The following MGST1 variants were observed in gnomAD, a reference collection of about 807,000 sequenced individuals.
The protein encoded by MGST1 is glutathione S-transferase 12.
MGST1 carries 5 observed loss-of-function variants against 8.9 expected under a neutral mutation model. That is an observed-to-expected ratio of 0.56 (90% CI 0.29 to 1.19). The LOEUF (loss-of-function observed/expected upper bound fraction) is 1.19, where lower values mean the gene tolerates loss of function less well. Among genes scored for constraint, MGST1 ranks in the 50% most tolerant of loss-of-function variants. The probability of loss-of-function intolerance (pLI) is 0.08; values close to 1 mark genes in which losing one functional copy is unlikely to be tolerated. For synonymous variants in MGST1, 54 were observed against 67.8 expected, an observed-to-expected ratio of 0.80 and a Z score of 1.00; for missense variants, 182 against 187.4, an observed-to-expected ratio of 0.97 and a Z score of 0.17.
At chr12:16,512,240 T>G (rs1591748624) in intron 4 of MGST1, among the ~76,000 whole-genome samples, 2 of 151,696 alleles carry the variant, frequency 1.3e-5, no homozygotes, top group South Asian at 4.2e-4. Flanking sequence ...GTATGGATGG[T>G]GGGGAAGATT....
At chr12:16,433,622 G>A (rs953634164) in intron 1 of MGST1, among the ~76,000 whole-genome samples, 4 of 152,078 alleles carry the variant, frequency 2.6e-5, no homozygotes, top group Non-Finnish European at 5.9e-5. Context: ...AGGCCAATCT[G>A]CTTTACTCAG....
downstream of MGST1, among the ~76,000 whole-genome samples, chr12:16,382,011 C>A (rs2137041152): frequency 6.6e-6 from 1 of 152,260 alleles, no homozygotes; most frequent in South Asian, 2.1e-4. Context: ...TACTTCTCTG[C>A]ATTGGTTATT....
intron 4 of MGST1, among the ~76,000 whole-genome samples, chr12:16,453,326 T>C (rs1461609665): frequency 6.6e-6 from 1 of 151,960 alleles, no homozygotes; most frequent in Non-Finnish European, 1.5e-5. Flanking sequence ...TAACATTTAT[T>C]CTCGATTCGA....
intron 4 of MGST1, among the ~76,000 whole-genome samples, chr12:16,488,518 C>A (rs1239885070): frequency 6.6e-6 from 1 of 152,180 alleles, no homozygotes; most frequent in Admixed American, 6.5e-5. Flanking sequence ...TTTCAAATGT[C>A]AGATCAAAAT....
At chr12:16,456,908 C>T (rs1591734347) in intron 4 of MGST1, among the ~76,000 whole-genome samples, 1 of 152,022 alleles carries the variant, frequency 6.6e-6, no homozygotes, top group South Asian at 2.1e-4. Flanking sequence ...TGAATGTTCA[C>T]CCTCTAACCT....
At chr12:16,564,179 A>G (rs1565486853) in intron 4 of MGST1, among the ~76,000 whole-genome samples, 1 of 152,218 alleles carries the variant, frequency 6.6e-6, no homozygotes, top group East Asian at 1.9e-4. Flanking sequence ...ATAAAAATCA[A>G]ACAGACAACT....
At position 16,517,583 on chromosome 12, in the gene MGST1, G is replaced by A. The variant is rs1168216440; in HGVS notation, n.483-71945G>A. ...ACAGCAGCACAAAACAGAGACAGCAGGTATCAGTAATATTTTGTTATAGTA... is the reference window on the plus strand; with the variant it reads ...ACAGCAGCACAAAACAGAGACAGCAAGTATCAGTAATATTTTGTTATAGTA... On this transcript the variant is annotated intron_variant and non_coding_transcript_variant, in intron 4 of 4. Transcript: ENST00000538857. This position sits in a 1 kb window ranked among gnomAD's most constrained non-coding sequence, Gnocchi z 4.2. Among the ~76,000 whole-genome samples the A allele has an allele frequency of 3.9e-5, 6 of 152,138 alleles. No homozygotes were observed. The highest frequency in any genetic ancestry group is 8.8e-5 in the Non-Finnish European group (6 of 68,020).
At chr12:16,435,876 T>C (rs1940980759) in intron 1 of MGST1, among the ~76,000 whole-genome samples, 1 of 151,940 alleles carries the variant, frequency 6.6e-6, no homozygotes. Context: ...CTAGGGGTAT[T>C]TCAGGGTAGC....
At chr12:16,477,655 G>T (rs1438740248) in intron 4 of MGST1, among the ~76,000 whole-genome samples, 2 of 152,160 alleles carry the variant, frequency 1.3e-5, no homozygotes, top group African/African-American at 2.4e-5. Context: ...AGTAACTAAT[G>T]CTCAGCTATC....
rs189395031 is a variant in MGST1, at chr12:16,517,965, C to A, written n.483-71563C>A. On this transcript the variant is annotated intron_variant and non_coding_transcript_variant, in intron 4 of 4. Coordinates refer to the MGST1 transcript ENST00000538857. This position sits in a 1 kb window ranked among gnomAD's most constrained non-coding sequence, Gnocchi z 4.2. ...TTGTTCTTCACACCCAAGGACCAGA[C>A]ACTAGGCAGTGATACATTCACCAAA... 6.6e-5 allele frequency among the ~76,000 whole-genome samples: 10 copies of A among 152,166 alleles called. No individual in the cohort carries two copies. The highest frequency in any genetic ancestry group is 2.1e-4 in the South Asian group (1 of 4,828).
chr12:16,552,925 C>A (rs1478434964), intron 4 of MGST1, among the ~76,000 whole-genome samples: 1 of 145,444 alleles, frequency 6.9e-6, no homozygotes. Flanking sequence ...ATACTGCAAC[C>A]AGTAGGGTCC....
chr12:16,539,588 C>T (rs532270173), intron 4 of MGST1, among the ~76,000 whole-genome samples: 1 of 152,092 alleles, frequency 6.6e-6, no homozygotes, highest in South Asian at 2.1e-4. Context: ...TTAAGTATAC[C>T]CATATTTGTC....
In MGST1 at chr12:16,576,953, G is replaced by A. The variant is rs1034822522; in HGVS notation, n.483-12575G>A. On this transcript the variant is annotated intron_variant and non_coding_transcript_variant, in intron 4 of 4. Coordinates refer to the MGST1 transcript ENST00000538857. The surrounding 1 kb of genome is among the most constrained non-coding windows in gnomAD (Gnocchi z 4.1). ...TCTATTTTAGAAATAACCCAATAAG[G>A]GCAAAGCTATATGAGTAAAACTACA... Among the ~76,000 whole-genome samples the A allele has an allele frequency of 5.3e-5, 8 of 152,074 alleles. No individual in the cohort carries two copies. The highest frequency in any genetic ancestry group is 1.9e-4 in the African/African-American group (8 of 41,404).
At chr12:16,355,454 C>T (rs962445806) in intron 2 of MGST1, among the ~76,000 whole-genome samples, 2 of 152,112 alleles carry the variant, frequency 1.3e-5, no homozygotes, top group Non-Finnish European at 2.9e-5. Context: ...GGTGATCCAC[C>T]CACCTTGGCC....
At chr12:16,554,491 T>A (rs1425640714) in intron 4 of MGST1, among the ~76,000 whole-genome samples, 2 of 152,152 alleles carry the variant, frequency 1.3e-5, no homozygotes, top group African/African-American at 2.4e-5. Context: ...TACTCATTCC[T>A]CCACTATACA....
At chr12:16,531,182 AGTAAT>A (rs1325378921) in intron 4 of MGST1, among the ~76,000 whole-genome samples, 1 of 111,706 alleles carries the variant, frequency 9.0e-6, no homozygotes, top group African/African-American at 3.1e-5. Context: ...AAAAAAAAAA[AGTAAT>A]GATCATGGTG....
chr12:16,440,934 C>T (rs1941033753), downstream of MGST1, among the ~76,000 whole-genome samples: 1 of 151,754 alleles, frequency 6.6e-6, no homozygotes, highest in Non-Finnish European at 1.5e-5. Flanking sequence ...AATAGTATCT[C>T]ACTATAGATT....
rs371381201 is a variant in MGST1, at chr12:16,354,473, CA to C, written c.126+97del. On this transcript the variant is annotated intron_variant, in intron 2 of 3. Transcript: ENST00000396210. ...TTCTTTTTTTATTTTTGGTAAAGCC[CA>C]ATAGCACACTGTTTTATGCTGTAAG... 5.7e-4 allele frequency: 693 copies of C among 1,213,196 alleles called. 2 individuals carry two copies. The African/African-American group carries it at 9.0e-3, about 16-fold the overall frequency. The allele number at this position is 1,213,196 out of a possible 1,614,324, so 75.2% of individuals were successfully genotyped here. A position where few individuals can be genotyped will look rare whatever the true frequency, so the allele number is the denominator to read the frequency against.
rs149361825 is a variant in MGST1, at chr12:16,411,332, C to T, written n.779-26056C>T. ...CATATTTACTAAATAGGTAAAGGAACGCAATGTTGATTATATCTTGTACGT... is the reference window on the plus strand; with the variant it reads ...CATATTTACTAAATAGGTAAAGGAATGCAATGTTGATTATATCTTGTACGT... On this transcript the variant is annotated intron_variant and non_coding_transcript_variant, in intron 1 of 1. Coordinates refer to the MGST1 transcript ENST00000359720. 1.3e-3 allele frequency among the ~76,000 whole-genome samples: 195 copies of T among 152,148 alleles called. 3 individuals carry two copies. In the East Asian group the frequency reaches 0.031, roughly 24 times the overall value.
Sources: allele counts gnomAD v4.1 joint callset (sites outside exome capture counted in the v4.1 genomes callset), GRCh38; gene constraint gnomAD v4.1.1; non-coding constraint Gnocchi (gnomAD v3.1); transcripts MANE v1.5; gene names NCBI Gene and HGNC (gene_info 2026-07-23, HGNC 2026-07-21).